Variants in VAT1L observed in about 807,000 individuals in gnomAD.
The protein encoded by VAT1L is putative NADPH-dependent quinone oxidoreductase VAT1L.
In VAT1L, 34 loss-of-function variants were observed where a neutral mutation model predicts 44.1. The observed-to-expected ratio is 0.77, with a 90% confidence interval of 0.59 to 1.03. VAT1L has a LOEUF of 1.03. Among genes scored for constraint, VAT1L ranks in the 50% least tolerant of loss-of-function variants. The pLI is 0.00. For synonymous variants in VAT1L, 253 were observed against 202.2 expected (o/e 1.25, Z -2.13); for missense variants, 615 against 538.8 (o/e 1.14, Z -1.40).
rs147711332 is a variant in VAT1L, at chr16:77,862,786, C to G, written c.618C>G (p.Asn206Lys). The G allele has an allele frequency of 1.2e-6, 2 of 1,613,990 alleles. No individual in the cohort carries two copies. Among genetic ancestry groups the G allele is most frequent in the Non-Finnish European group, 1.7e-6 (2 of 1,180,032 alleles). ...AVAQLCSTVPNVTVFGTASTF... is the reference protein window; with the variant it reads ...AVAQLCSTVPKVTVFGTASTF... Reference sequence around the variant, plus strand: ...CTCAGCTGTGTTCCACTGTCCCCAACGTGACTGTCTTTGGAACAGCCTCTA... The same window carrying G: ...CTCAGCTGTGTTCCACTGTCCCCAAGGTGACTGTCTTTGGAACAGCCTCTA... Residue 206 changes from asparagine (N) to lysine (K), a missense_variant, in exon 4 of 9, where the codon AAC (asparagine) becomes AAG (lysine). Coordinates refer to ENST00000302536, the MANE Select transcript of VAT1L (RefSeq NM_020927.3).
At chr16:77,892,716 C>G (rs183611280) in intron 7 of VAT1L, 2 of 737,530 alleles carry the variant, frequency 2.7e-6, no homozygotes, top group Non-Finnish European at 2.5e-6. Flanking sequence ...GGCATCTGTT[C>G]CATGGCAAAT....
chr16:77,951,537 C>T (rs1000305841), intron 7 of VAT1L, among the ~76,000 whole-genome samples: 1 of 150,082 alleles, frequency 6.7e-6, no homozygotes, highest in African/African-American at 2.4e-5. Context: ...TGGAGTGAGA[C>T]TCTGTCTCAA....
intron 7 of VAT1L, among the ~76,000 whole-genome samples, chr16:77,941,212 G>A (rs982009352): frequency 3.3e-5 from 5 of 152,070 alleles, no homozygotes; most frequent in African/African-American, 1.2e-4. Flanking sequence ...AGAAGATAAG[G>A]CCCAGCTTCT....
chr16:77,962,000 A>G (rs2018164979), intron 7 of VAT1L, among the ~76,000 whole-genome samples: 1 of 152,174 alleles, frequency 6.6e-6, no homozygotes, highest in Non-Finnish European at 1.5e-5. Context: ...CTAGAGTATC[A>G]TAGTCCTCCT....
intron 4 of VAT1L, among the ~76,000 whole-genome samples, chr16:77,868,986 A>G (rs983319247): frequency 1.3e-5 from 2 of 152,108 alleles, no homozygotes; most frequent in African/African-American, 4.8e-5. Flanking sequence ...TGGAGTAAAC[A>G]TTGCATTATG....
chr16:77,971,565 C>G (rs2018277984), intron 7 of VAT1L, among the ~76,000 whole-genome samples: 1 of 152,140 alleles, frequency 6.6e-6, no homozygotes. Flanking sequence ...TCTGAGAACT[C>G]CAGAGAACCT....
Position 77,979,128 on chromosome 16 carries a change from T to A in VAT1L, c.*1433T>A, listed in dbSNP as rs1031189025. On this transcript the variant is annotated 3_prime_UTR_variant, in exon 9 of 9. Coordinates refer to ENST00000302536, the MANE Select transcript of VAT1L (RefSeq NM_020927.3). Reference sequence around the variant, plus strand: ...GGTAGGAACGAATGCATCTTAGCAATTACCTGATTTCCAAAGTCCTTTTGT... The same window carrying A: ...GGTAGGAACGAATGCATCTTAGCAAATACCTGATTTCCAAAGTCCTTTTGT... 3.3e-5 allele frequency: 5 copies of A among 152,660 alleles called. No individual in the cohort carries two copies. The highest frequency in any genetic ancestry group is 5.9e-5 in the Non-Finnish European group (4 of 68,050). 9.5% of individuals were successfully genotyped at this position (152,660 alleles called of 1,614,324 possible). A position where few individuals can be genotyped will look rare whatever the true frequency, so the allele number is the denominator to read the frequency against.
In VAT1L at chr16:77,879,322, C is replaced by G. The variant is rs9930395; in HGVS notation, c.882+98C>G. On this transcript the variant is annotated intron_variant, in intron 6 of 8. Transcript: ENST00000302536. This position sits in a 1 kb window ranked among gnomAD's most constrained non-coding sequence, Gnocchi z 4.1. ...GTTTGTTTGTTTTGAGACAGCGTCT[C>G]GTTCTGTCACCAGGCTGGAGTGCAA... The G allele has an allele frequency of 5.3e-6, 7 of 1,328,854 alleles. No individual in the cohort carries two copies. Among genetic ancestry groups the G allele is most frequent in the African/African-American group, 1.5e-5 (1 of 68,808 alleles). 82.3% of individuals were successfully genotyped at this position (1,328,854 alleles called of 1,614,324 possible).
intron 3 of VAT1L, among the ~76,000 whole-genome samples, chr16:77,826,329 A>G (rs2016523182): frequency 6.6e-6 from 1 of 152,256 alleles, no homozygotes; most frequent in African/African-American, 2.4e-5. Flanking sequence ...TGAAATGACA[A>G]AATGGTCATT....
chr16:77,965,489 G>A (rs1372513800), intron 7 of VAT1L, among the ~76,000 whole-genome samples: 2 of 152,178 alleles, frequency 1.3e-5, no homozygotes, highest in Non-Finnish European at 2.9e-5. Context: ...TGAGGTGCTT[G>A]AATGACATGA....
At chr16:77,915,936 T>C (rs550325641) in intron 7 of VAT1L, among the ~76,000 whole-genome samples, 1 of 152,244 alleles carries the variant, frequency 6.6e-6, no homozygotes, top group African/African-American at 2.4e-5. Flanking sequence ...TGAAGGCTAA[T>C]CCTACTGGGG....
At chr16:77,844,281 A>G (rs576733479) in intron 3 of VAT1L, among the ~76,000 whole-genome samples, 53 of 152,354 alleles carry the variant, frequency 3.5e-4, no homozygotes, top group African/African-American at 1.2e-3. Context: ...CCTAAACAAT[A>G]TAGTATAACA....
At chr16:77,977,475 A>T (rs1183696173) in intron 8 of VAT1L, 122 bp from the exon 9 acceptor site, 4 of 932,062 alleles carry the variant, frequency 4.3e-6, no homozygotes, top group Non-Finnish European at 6.5e-6. Flanking sequence ...ATTGCCTTCC[A>T]GGGAAACAAG....
intron 4 of VAT1L, among the ~76,000 whole-genome samples, chr16:77,865,717 A>G (rs2016966781): frequency 6.6e-6 from 1 of 152,206 alleles, no homozygotes; most frequent in Non-Finnish European, 1.5e-5. Flanking sequence ...ATTTCTGACT[A>G]GCAGGGATGC....
intron 7 of VAT1L, among the ~76,000 whole-genome samples, chr16:77,908,485 A>AAAAAAAAAAC (rs2017463490): frequency 6.7e-6 from 1 of 149,508 alleles, no homozygotes; most frequent in South Asian, 2.1e-4. Context: ...AAAAAAAAAA[A>AAAAAAAAAAC]AAAAGCCATC....
intron 7 of VAT1L, among the ~76,000 whole-genome samples, chr16:77,921,630 C>G (rs1329931590): frequency 6.6e-6 from 1 of 152,162 alleles, no homozygotes; most frequent in Non-Finnish European, 1.5e-5. Context: ...AATTTTATGT[C>G]TCTACTAATA....
At chr16:77,795,656 A>T (rs1415623642) in intron 1 of VAT1L, among the ~76,000 whole-genome samples, 4 of 152,152 alleles carry the variant, frequency 2.6e-5, no homozygotes, top group Admixed American at 1.3e-4. Context: ...CAAGTTGGTC[A>T]ACTAGCATTA....
At chr16:77,946,610 C>G (rs946987007) in intron 7 of VAT1L, among the ~76,000 whole-genome samples, 1 of 152,142 alleles carries the variant, frequency 6.6e-6, no homozygotes, top group African/African-American at 2.4e-5. Context: ...AAATAAACCT[C>G]TACTTGGAAT....
chr16:77,845,719 C>G (rs1287059860), intron 3 of VAT1L, among the ~76,000 whole-genome samples: 1 of 152,162 alleles, frequency 6.6e-6, no homozygotes, highest in African/African-American at 2.4e-5. Flanking sequence ...AACCGTCCAC[C>G]CTGAGAGCCA....
Sources: gnomAD v4.1 joint callset for allele counts (sites outside exome capture counted in the v4.1 genomes callset) on GRCh38, gnomAD v4.1.1 for gene constraint, Gnocchi (gnomAD v3.1) non-coding constraint, MANE v1.5 for transcripts, NCBI Gene and HGNC (gene_info 2026-07-23, HGNC 2026-07-21) for gene names.